The following LPAR1 variants were observed in gnomAD, a reference collection of about 807,000 sequenced individuals.
The protein encoded by LPAR1 is lysophosphatidic acid receptor 1, also known as LPA receptor 1.
LPAR1 carries 5 observed loss-of-function variants against 23.8 expected under a neutral mutation model. That is an observed-to-expected ratio of 0.21 (90% CI 0.11 to 0.44). The LOEUF (loss-of-function observed/expected upper bound fraction) is 0.44. Among genes scored for constraint, LPAR1 ranks in the 20% least tolerant of loss-of-function variants. The pLI is 0.99. For synonymous variants in LPAR1, 160 were observed against 164.7 expected, an observed-to-expected ratio of 0.97 and a Z score of 0.22; for missense variants, 311 against 482.8, an observed-to-expected ratio of 0.64 and a Z score of 3.33.
chr9:110,907,099 TC>T (rs1381519281), intron 5 of LPAR1, among the ~76,000 whole-genome samples: 2 of 152,186 alleles, frequency 1.3e-5, no homozygotes, highest in Non-Finnish European at 2.9e-5. Flanking sequence ...GATCGTATTA[TC>T]ACTTTAACAA....
At chr9:110,997,890 TG>T (rs1262505244) in intron 2 of LPAR1, among the ~76,000 whole-genome samples, 25 of 152,342 alleles carry the variant, frequency 1.6e-4, no homozygotes, top group Admixed American at 7.8e-4. Context: ...ACCAAGAATC[TG>T]TATTTTAACA....
intron 5 of LPAR1, among the ~76,000 whole-genome samples, chr9:110,927,176 G>A (rs975919643): frequency 2.0e-5 from 3 of 151,966 alleles, no homozygotes; most frequent in African/African-American, 4.8e-5. Context: ...TCTGGAATTA[G>A]AATACAGCTA....
intron 5 of LPAR1, among the ~76,000 whole-genome samples, chr9:110,900,920 C>T (rs1441302483): frequency 6.6e-6 from 1 of 152,154 alleles, no homozygotes; most frequent in Non-Finnish European, 1.5e-5. Flanking sequence ...GCTAGGGCAT[C>T]TTAAGTTACA....
At position 110,939,406 on chromosome 9, in the gene LPAR1, C is replaced by T. The variant is rs117771164; in HGVS notation, c.793+2015G>A. The stretch of plus-strand genomic sequence containing the variant: ...CAAATACCTTCACCTATCACCGTGA[C>T]GGGGTTTTCCATGTTCTGAAAGTTC... On this transcript the variant is annotated intron_variant, in intron 5 of 5. Transcript: ENST00000683809. Among the ~76,000 whole-genome samples, 336 of 152,288 alleles carry T rather than the reference C, an allele frequency of 2.2e-3. 2 individuals carry two copies. The highest frequency in any genetic ancestry group is 3.7e-3 in the Non-Finnish European group (252 of 68,026).
chr9:110,961,498 T>C (rs900775625), intron 4 of LPAR1, among the ~76,000 whole-genome samples: 2 of 151,110 alleles, frequency 1.3e-5, no homozygotes, highest in African/African-American at 4.9e-5. Flanking sequence ...CACACACTTG[T>C]AGTCCCAGCT....
intron 4 of LPAR1, among the ~76,000 whole-genome samples, chr9:110,956,247 G>A (rs2095744092): frequency 6.6e-6 from 1 of 151,542 alleles, no homozygotes; most frequent in Non-Finnish European, 1.5e-5. Context: ...GGGGGTTGGG[G>A]GGCTAGGGGA....
intron 5 of LPAR1, among the ~76,000 whole-genome samples, chr9:110,880,211 T>C (rs1231921809): frequency 1.3e-5 from 2 of 152,144 alleles, no homozygotes; most frequent in African/African-American, 4.8e-5. Context: ...CTGATGCATC[T>C]GTCAAAGCAA....
chr9:111,024,849 C>T (rs947970268), intron 2 of LPAR1, among the ~76,000 whole-genome samples: 1 of 152,048 alleles, frequency 6.6e-6, no homozygotes, highest in Non-Finnish European at 1.5e-5. Flanking sequence ...TGGTTTCCAG[C>T]TTCATCCAAG....
intron 5 of LPAR1, among the ~76,000 whole-genome samples, chr9:110,934,940 A>G (rs1460272583): frequency 2.0e-5 from 3 of 152,214 alleles, no homozygotes; most frequent in Non-Finnish European, 4.4e-5. Context: ...TTGTCAAGAA[A>G]GCTAACAGGA....
intron 5 of LPAR1, among the ~76,000 whole-genome samples, chr9:110,883,024 C>T (rs545910734): frequency 3.3e-5 from 5 of 152,014 alleles, no homozygotes; most frequent in East Asian, 3.9e-4. Flanking sequence ...CTGTAGAAAC[C>T]GAATTATATC....
intron 4 of LPAR1, among the ~76,000 whole-genome samples, chr9:110,964,853 C>CTTTTTT (rs35426082): frequency 1.5e-5 from 1 of 67,072 alleles, no homozygotes; most frequent in African/African-American, 6.1e-5. Context: ...ACACCAATCA[C>CTTTTTT]TTTTTTTTTT....
At chr9:110,919,016 C>T (rs1272857607) in intron 5 of LPAR1, among the ~76,000 whole-genome samples, 1 of 152,096 alleles carries the variant, frequency 6.6e-6, no homozygotes, top group Non-Finnish European at 1.5e-5. Context: ...TAACTTGCTT[C>T]TAGCCATAGA....
chr9:110,965,175 C>G (rs1017879326), intron 4 of LPAR1, among the ~76,000 whole-genome samples: 1 of 151,998 alleles, frequency 6.6e-6, no homozygotes, highest in African/African-American at 2.4e-5. Flanking sequence ...GCCGCAATCA[C>G]TTTTTATCAG....
At chr9:111,028,614 AAG>A (rs2097742403) in intron 2 of LPAR1, among the ~76,000 whole-genome samples, 2 of 126,224 alleles carry the variant, frequency 1.6e-5, no homozygotes, top group African/African-American at 5.9e-5. Context: ...TAATTAGAAA[AAG>A]ACTTTTTTTT....
intron 2 of LPAR1, among the ~76,000 whole-genome samples, chr9:111,005,151 C>T (rs1257375366): frequency 4.0e-5 from 3 of 74,292 alleles, no homozygotes; most frequent in Admixed American, 1.6e-4. Context: ...GACAAAGTCT[C>T]AAAAAAAAAA....
rs767280091 is a variant in LPAR1 at position 110,941,165 on chromosome 9, A to C, written c.793+256T>G. 2.0e-5 allele frequency among the ~76,000 whole-genome samples: 3 copies of C among 152,212 alleles called. No homozygotes were observed. Among genetic ancestry groups the C allele is most frequent in the Non-Finnish European group, 1.5e-5 (1 of 68,038 alleles). ...TGGTATTTTCAATATTAGATAGCCAAACTCTTCAATGACATCTTTTACATC... is the reference window on the plus strand; with the variant it reads ...TGGTATTTTCAATATTAGATAGCCACACTCTTCAATGACATCTTTTACATC... On this transcript the variant is annotated intron_variant, in intron 5 of 5. Coordinates refer to ENST00000683809, the MANE Select transcript of LPAR1 (RefSeq NM_001351411.2). The surrounding 1 kb of genome is among the most constrained non-coding windows in gnomAD (Gnocchi z 6.1).
chr9:111,012,415 C>T (rs908923753), intron 2 of LPAR1, among the ~76,000 whole-genome samples: 2 of 151,844 alleles, frequency 1.3e-5, no homozygotes, highest in African/African-American at 4.8e-5. Flanking sequence ...CTATGCTTGC[C>T]GAATTGTTAT....
At chr9:111,022,664 T>C (rs907833884) in intron 2 of LPAR1, among the ~76,000 whole-genome samples, 27 of 152,144 alleles carry the variant, frequency 1.8e-4, no homozygotes, top group African/African-American at 6.5e-4. Context: ...GTAATTATAT[T>C]ATATAAAAGT....
chr9:111,033,307 A>G (rs1205549934), intron 2 of LPAR1, among the ~76,000 whole-genome samples: 1 of 152,168 alleles, frequency 6.6e-6, no homozygotes, highest in African/African-American at 2.4e-5. Flanking sequence ...CTGCTAAAAA[A>G]TGCCAAAGAG....
Sources: gnomAD v4.1 joint callset for allele counts (sites outside exome capture counted in the v4.1 genomes callset) on GRCh38, gnomAD v4.1.1 for gene constraint, Gnocchi (gnomAD v3.1) non-coding constraint, MANE v1.5 for transcripts, NCBI Gene and HGNC (gene_info 2026-07-23, HGNC 2026-07-21) for gene names.